TENM3: variants seen among roughly 807,000 people sequenced by gnomAD.
The protein encoded by TENM3 is teneurin-3.
TENM3 carries 63 observed loss-of-function variants against 255.1 expected under a neutral mutation model. That is an observed-to-expected ratio of 0.25 (90% CI 0.20 to 0.30). TENM3 has a LOEUF of 0.30. TENM3 is among the 10% of genes least tolerant of loss of function. The probability of loss-of-function intolerance (pLI) is 1.00; values close to 1 mark genes in which losing one functional copy is unlikely to be tolerated. For synonymous variants in TENM3, 1,306 were observed against 1,322.3 expected (o/e 0.99, Z 0.27); for missense variants, 2,929 against 3,461.1 (o/e 0.85, Z 3.86).
At chr4:182,433,296 C>G (rs553483225) in intron 3 of TENM3, among the ~76,000 whole-genome samples, 11 of 152,188 alleles carry the variant, frequency 7.2e-5, no homozygotes, top group African/African-American at 2.4e-4. Flanking sequence ...GCAGGGAATG[C>G]AGGATGAGAT....
chr4:181,863,821 A>G, the TENM3 span, among the ~76,000 whole-genome samples: 1 of 152,156 alleles, frequency 6.6e-6, no homozygotes, highest in East Asian at 1.9e-4. Context: ...AAGACCCCAT[A>G]GTAACAAAAT....
the TENM3 span, among the ~76,000 whole-genome samples, chr4:181,818,607 ATCTCTTT>A: frequency 1.5e-5 from 2 of 132,996 alleles, no homozygotes; most frequent in African/African-American, 5.8e-5. Flanking sequence ...GGTGCAGTAA[ATCTCTTT>A]TTTTTTTTTT....
chr4:182,737,626 GAGAC>G (rs903664577), intron 17 of TENM3, among the ~76,000 whole-genome samples: 1 of 152,166 alleles, frequency 6.6e-6, no homozygotes, highest in Non-Finnish European at 1.5e-5. Flanking sequence ...GACATGTTGA[GAGAC>G]AGACAGAGAG....
At chr4:181,634,945 C>G in the TENM3 span, among the ~76,000 whole-genome samples, 1 of 152,056 alleles carries the variant, frequency 6.6e-6, no homozygotes, top group South Asian at 2.1e-4. Context: ...TTCATCTTCA[C>G]CCTTTTTTTC....
At chr4:182,183,767 A>G (rs151321676) in intron 1 of TENM3, among the ~76,000 whole-genome samples, 25 of 152,278 alleles carry the variant, frequency 1.6e-4, no homozygotes, top group African/African-American at 5.5e-4. Flanking sequence ...AGATCATATT[A>G]TATTAATACC....
At position 182,720,870 on chromosome 4, in the gene TENM3, C is replaced by T. The variant is rs146375495; in HGVS notation, c.2368+6637C>T. ...GCAACCTCTGCCTCCTGGGTTCAAG[C>T]GATTCTCCTGCCTCAGCCTCCCGAG... On this transcript the variant is annotated intron_variant, in intron 13 of 27. Coordinates refer to ENST00000511685, the MANE Select transcript of TENM3 (RefSeq NM_001080477.4). Among the ~76,000 whole-genome samples, 875 of 150,322 alleles carry T rather than the reference C, an allele frequency of 5.8e-3. 10 individuals carry two copies. Among genetic ancestry groups the T allele is most frequent in the African/African-American group, 0.02 (822 of 40,962 alleles).
At chr4:181,865,493 T>G in the TENM3 span, among the ~76,000 whole-genome samples, 9 of 152,018 alleles carry the variant, frequency 5.9e-5, no homozygotes, top group African/African-American at 1.9e-4. Flanking sequence ...TCTAGTCTGG[T>G]TGACCCCGAA....
chr4:181,939,090 G>T, the TENM3 span, among the ~76,000 whole-genome samples: 2 of 152,116 alleles, frequency 1.3e-5, no homozygotes, highest in African/African-American at 4.8e-5. Context: ...TGGATTAAAT[G>T]AAGATAATAA....
At chr4:181,818,498 A>G in the TENM3 span, among the ~76,000 whole-genome samples, 3 of 152,148 alleles carry the variant, frequency 2.0e-5, no homozygotes, top group African/African-American at 7.2e-5. Flanking sequence ...AGCTCCTTGC[A>G]GTAAATCTCT....
chr4:182,536,136 C>G (rs1487830877), intron 3 of TENM3, among the ~76,000 whole-genome samples: 2 of 152,140 alleles, frequency 1.3e-5, no homozygotes, highest in Non-Finnish European at 2.9e-5. Flanking sequence ...ATTGTTGTTT[C>G]TGCTGTTAGT....
At chr4:182,741,756 G>GTTTT (rs1163448856) in intron 18 of TENM3, among the ~76,000 whole-genome samples, 1 of 152,048 alleles carries the variant, frequency 6.6e-6, no homozygotes, top group Non-Finnish European at 1.5e-5. Flanking sequence ...GAATAAACCT[G>GTTTT]TTTTATTTTC....
chr4:181,973,352 A>G, the TENM3 span, among the ~76,000 whole-genome samples: 1 of 152,164 alleles, frequency 6.6e-6, no homozygotes, highest in Non-Finnish European at 1.5e-5. Context: ...ATGACAACTA[A>G]GTAAATTATA....
chr4:182,317,501 G>A (rs1403715528), intron 1 of TENM3, among the ~76,000 whole-genome samples: 2 of 151,936 alleles, frequency 1.3e-5, no homozygotes, highest in Non-Finnish European at 2.9e-5. Flanking sequence ...GGTTTTTGTA[G>A]AGAGAGGGTT....
chr4:182,789,253 C>CCTATT lies in TENM3; in HGVS notation c.5467_5471dup (p.Ser1825IlefsTer19). On this transcript the variant is annotated frameshift_variant, in exon 25 of 28. Coordinates refer to ENST00000511685, the MANE Select transcript of TENM3 (RefSeq NM_001080477.4). LOFTEE classifies it high-confidence loss of function. The surrounding 1 kb of genome is among the most constrained non-coding windows in gnomAD (Gnocchi z 4.4). ...AGCAAGCTGATGGCCGTCAATGTCA[C>CCTATT]CTATTCATCCACAGGTCAAATTGCC... is the stretch of plus-strand genomic sequence containing the variant. The CCTATT allele has an allele frequency of 6.2e-7, 1 of 1,613,796 alleles. No individual in the cohort carries two copies. The highest frequency in any genetic ancestry group is 8.5e-7 in the Non-Finnish European group (1 of 1,179,826).
chr4:182,564,342 C>T (rs1015944744), intron 3 of TENM3, among the ~76,000 whole-genome samples: 2 of 151,458 alleles, frequency 1.3e-5, no homozygotes, highest in Non-Finnish European at 2.9e-5. Flanking sequence ...AAAATAGAGA[C>T]GAGGTCTCAC....
chr4:182,797,449 AT>A (rs1424273959), intron 27 of TENM3, among the ~76,000 whole-genome samples: 5 of 151,846 alleles, frequency 3.3e-5, no homozygotes, highest in African/African-American at 9.7e-5. Context: ...CAAAAAAAAA[AT>A]AATTAATTAA....
chr4:182,153,063 A>G (rs1268506974), intron 1 of TENM3, among the ~76,000 whole-genome samples: 2 of 151,870 alleles, frequency 1.3e-5, no homozygotes, highest in Admixed American at 6.6e-5. Context: ...TATATGTTTC[A>G]GGGGACTTCA....
chr4:181,893,682 G>A, the TENM3 span, among the ~76,000 whole-genome samples: 1 of 151,964 alleles, frequency 6.6e-6, no homozygotes, highest in Non-Finnish European at 1.5e-5. Context: ...AATATGCAAG[G>A]AAAATGCTTT....
chr4:181,452,989 A>G, the TENM3 span, among the ~76,000 whole-genome samples: 3 of 152,188 alleles, frequency 2.0e-5, no homozygotes, highest in East Asian at 1.9e-4. Flanking sequence ...CTAGAGAAAT[A>G]TACAGTGTGA....
Sources: allele counts gnomAD v4.1 joint callset (sites outside exome capture counted in the v4.1 genomes callset), GRCh38; gene constraint gnomAD v4.1.1; non-coding constraint Gnocchi (gnomAD v3.1); transcripts MANE v1.5; gene names NCBI Gene and HGNC (gene_info 2026-07-23, HGNC 2026-07-21).